Variants in MAP2K7 observed in about 807,000 individuals in gnomAD.
The protein encoded by MAP2K7 is mitogen-activated protein kinase kinase 7.
Under a neutral mutation model 47.7 loss-of-function variants are expected in MAP2K7, and 12 were observed. The observed-to-expected ratio is 0.25, with a 90% CI of 0.16 to 0.41. The LOEUF (loss-of-function observed/expected upper bound fraction) is 0.41, where lower values mean the gene tolerates loss of function less well. Among genes scored for constraint, MAP2K7 ranks in the 10% least tolerant of loss-of-function variants. The pLI is 1.00. For missense variants in MAP2K7, 415 were observed against 600.3 expected, an observed-to-expected ratio of 0.69 and a Z score of 3.23; for synonymous variants, 299 against 243.0, an observed-to-expected ratio of 1.23 and a Z score of -2.14.
intron 1 of MAP2K7, chr19:7,905,993 C>T: frequency 2.6e-6 from 2 of 783,372 alleles, no homozygotes; most frequent in East Asian, 2.5e-5. Context: ...CACTTTCTCT[C>T]TCACTCCACT....
chr19:7,911,533 G>C lies in MAP2K7; in HGVS notation c.1034G>C (p.Gly345Ala), dbSNP rs752181956. 6.2e-7 allele frequency: 1 copy of C among 1,610,692 alleles called. No homozygotes were observed. Among genetic ancestry groups the C allele is most frequent in the African/African-American group, 1.3e-5 (1 of 74,872 alleles). ...VLQEEPPLLP[G>A]HMGFSGDFQS... ...CAGGAAGAGCCCCCGCTTCTGCCCG[G>C]ACACATGGGCTTCTCGGGGGACTTC... Residue 345 changes from glycine (G) to alanine (A), a missense_variant, in exon 9 of 11, where the codon GGA becomes GCA. Gly to Ala is a moderately conservative substitution (Grantham distance 60, BLOSUM62 0). Around this residue, in one of 3 missense-constraint regions of MAP2K7, gnomAD observed 94 missense variants for 105.2 expected, o/e 0.89. Coordinates refer to ENST00000397979, the MANE Select transcript of MAP2K7 (RefSeq NM_145185.4).
In MAP2K7 at chr19:7,911,138, C is replaced by T. The variant is rs768877232; in HGVS notation, c.834C>T (p.Ala278=). The T allele has an allele frequency of 1.3e-4, 208 of 1,610,104 alleles. No individual in the cohort carries two copies. Among genetic ancestry groups the T allele is most frequent in the East Asian group, 7.8e-4 (35 of 44,794 alleles). The part of the protein sequence containing the change: ...LVDSKAKTRS[A]GCAAYMAPER... ...ACTCCAAAGCCAAGACGCGGAGCGC[C>T]GGCTGTGCCGCCTACATGGCAGTGA... The change falls in exon 7 of 11, where the codon GCC becomes GCT. Residue 278 remains alanine, a synonymous_variant. Transcript: ENST00000397979.
At position 7,911,237 on chromosome 19, in the gene MAP2K7, C is replaced by CCT. The variant is rs1555701255; in HGVS notation, c.856-12_856-11insTC. On this transcript the variant is annotated splice_polypyrimidine_tract_variant and intron_variant, in intron 7 of 10. Coordinates refer to ENST00000397979, the MANE Select transcript of MAP2K7 (RefSeq NM_145185.4). ...CAGCCTTGGAGATACGTCTTCTCCT[C>CCT]CCCCCCCTGCAGCCCGAGCGCATTG... 10 of 1,509,456 alleles carry CCT rather than the reference C, an allele frequency of 6.6e-6. No homozygotes were observed. The highest frequency in any genetic ancestry group is 3.4e-5 in the South Asian group (3 of 87,140). The allele number at this position is 1,509,456 out of a possible 1,614,324, so 93.5% of individuals were successfully genotyped here.
chr19:7,905,385 CTT>C (rs1175081708), intron 1 of MAP2K7, among the ~76,000 whole-genome samples: 1 of 152,182 alleles, frequency 6.6e-6, no homozygotes, highest in Non-Finnish European at 1.5e-5. Context: ...TGGGGAGTCT[CTT>C]GGGGGTCCAG....
chr19:7,908,477 T>G (rs1982603860), intron 1 of MAP2K7, among the ~76,000 whole-genome samples: 1 of 152,068 alleles, frequency 6.6e-6, no homozygotes, highest in African/African-American at 2.4e-5. Flanking sequence ...AGGGACGGGG[T>G]TTAGCTGCCA....
chr19:7,909,450 C>G (rs1025918953), intron 1 of MAP2K7, among the ~76,000 whole-genome samples: 2 of 152,214 alleles, frequency 1.3e-5, no homozygotes, highest in Non-Finnish European at 2.9e-5. Context: ...GCCCCCTGGC[C>G]GAGGGACACC....
At position 7,903,892 on chromosome 19, in the gene MAP2K7, T is replaced by C. The variant is rs1011452578; in HGVS notation, c.-53T>C. ...GCGCAGGCGCAGTGCGGTGTTTGTC[T>C]GCCGGACTGACGGGCGGCCGGGCGG... On this transcript the variant is annotated 5_prime_UTR_variant, in exon 1 of 11. Transcript: ENST00000397979. 4 of 1,396,346 alleles carry C rather than the reference T, an allele frequency of 2.9e-6. No individual in the cohort carries two copies. The African/African-American group carries it at 4.5e-5, about 16-fold the overall frequency. 86.5% of individuals were successfully genotyped at this position (1,396,346 alleles called of 1,614,324 possible). A position where few individuals can be genotyped will look rare whatever the true frequency, so the allele number is the denominator to read the frequency against.
In MAP2K7 at chr19:7,910,731, C is replaced by T. The variant is rs1462167964; in HGVS notation, c.603C>T (p.Thr201=). 2 of 1,611,656 alleles carry T rather than the reference C, an allele frequency of 1.2e-6. No individual in the cohort carries two copies. The highest frequency in any genetic ancestry group is 1.7e-5 in the Admixed American group (1 of 59,898). ...TCATCGCCATGGAGCTCATGGGCAC[C>T]TGCGCTGAGAAGCTCAAGAAGCGGA... The part of the protein sequence containing the change: ...DVFIAMELMG[T]CAEKLKKRMQ... Residue 201 remains threonine, a synonymous_variant, in exon 6 of 11, where the codon ACC becomes ACT. Transcript: ENST00000397979.
rs1234138196 is a variant in MAP2K7 at position 7,914,244 on chromosome 19, G to A, written c.*1813G>A. The A allele has an allele frequency of 6.6e-6, 1 of 152,504 alleles. No homozygotes were observed. Among genetic ancestry groups the A allele is most frequent in the East Asian group, 1.9e-4 (1 of 5,180 alleles). The allele number at this position is 152,504 out of a possible 1,614,324, so 9.4% of individuals were successfully genotyped here. Reference sequence around the variant, plus strand: ...CAGTGTTAAGTGGGGAGCCCTGGGGGAGTCTCTCCTGCCTCCCAGCCTCTC... The same window carrying A: ...CAGTGTTAAGTGGGGAGCCCTGGGGAAGTCTCTCCTGCCTCCCAGCCTCTC... On this transcript the variant is annotated 3_prime_UTR_variant, in exon 11 of 11. Transcript: ENST00000397979.
intron 3 of MAP2K7, 21 bp from the exon 4 acceptor site, chr19:7,910,239 C>T (rs1273373457): frequency 6.2e-6 from 10 of 1,610,954 alleles, no homozygotes; most frequent in African/African-American, 1.3e-5. Flanking sequence ...AGGGACCCTC[C>T]AACCCTCCCT....
At position 7,909,810 on chromosome 19, in the gene MAP2K7, C is replaced by T. The variant is rs1982698492; in HGVS notation, c.180C>T (p.Ser60=). 3 of 1,542,980 alleles carry T rather than the reference C, an allele frequency of 1.9e-6. No homozygotes were observed. The South Asian group carries it at 3.6e-5, about 18-fold the overall frequency. ...DGGSRSPSSE[S]SPQHPTPPAR... ...GCAGCCGCTCGCCATCCTCAGAGAG[C>T]TCCCCGCAGCACCCCACGCCCCCCG... Residue 60 remains serine, a synonymous_variant, in exon 2 of 11, where the codon AGC becomes AGT. Coordinates refer to ENST00000397979, the MANE Select transcript of MAP2K7 (RefSeq NM_145185.4).
chr19:7,911,425 C>G lies in MAP2K7; in HGVS notation c.937-11C>G, dbSNP rs752236818. On this transcript the variant is annotated splice_polypyrimidine_tract_variant and intron_variant, in intron 8 of 10. Coordinates refer to ENST00000397979, the MANE Select transcript of MAP2K7 (RefSeq NM_145185.4). ...CATAAACCTGTCCAGCCCTGCCCGTCTCCCTCCCAGGTGGAGCTGGCAACA... is the reference window on the plus strand; with the variant it reads ...CATAAACCTGTCCAGCCCTGCCCGTGTCCCTCCCAGGTGGAGCTGGCAACA... The G allele has an allele frequency of 5.6e-6, 9 of 1,613,174 alleles. No individual in the cohort carries two copies. The Admixed American group carries it at 1.5e-4, about 27-fold the overall frequency.
At chr19:7,911,711 G>A in intron 9 of MAP2K7, 133 bp downstream of exon 9, 1 of 970,890 alleles carries the variant, frequency 1.0e-6, no homozygotes, top group Non-Finnish European at 1.5e-6. Context: ...CTCCTGGCTG[G>A]CGGCTGCCAC....
rs1021778140 is a variant in MAP2K7, at chr19:7,912,452, C to G, written c.*21C>G. 1.2e-6 allele frequency: 2 copies of G among 1,600,994 alleles called. No homozygotes were observed. The highest frequency in any genetic ancestry group is 8.5e-7 in the Non-Finnish European group (1 of 1,176,968). ...GGTAGCTGCTTGGCGGCGGCCAGCC[C>G]CACAGGGGGCCAGGGGCATGGCCAC... On this transcript the variant is annotated 3_prime_UTR_variant, in exon 11 of 11. Coordinates refer to ENST00000397979, the MANE Select transcript of MAP2K7 (RefSeq NM_145185.4).
chr19:7,912,116 T>A, intron 9 of MAP2K7, 33 bp from the exon 10 acceptor site: 2 of 1,610,118 alleles, frequency 1.2e-6, no homozygotes, highest in Admixed American at 1.7e-5. Flanking sequence ...TCCTCCCTCG[T>A]TCTCACATCT....
intron 5 of MAP2K7, 50 bp from the exon 6 acceptor site, chr19:7,910,646 G>T (rs544896328): frequency 3.3e-5 from 53 of 1,607,862 alleles, no homozygotes; most frequent in Admixed American, 5.0e-5. Flanking sequence ...CAGAGCCTCT[G>T]GGGGGTGGGC....
At chr19:7,911,742 A>C (rs480296) in intron 9 of MAP2K7, among the ~76,000 whole-genome samples, 164 bp downstream of exon 9, 5 of 152,162 alleles carry the variant, frequency 3.3e-5, no homozygotes, top group Admixed American at 1.3e-4. Context: ...GCTGGTGCCC[A>C]GGGAGCCATG....
chr19:7,911,609 G>C lies in MAP2K7; in HGVS notation c.1079+31G>C, dbSNP rs1001995837. ...AACCTCCCTCCACTTGGGAGGTCAGGGACAGCCCGCTGCTCTGGGCAGCTG... is the reference window on the plus strand; with the variant it reads ...AACCTCCCTCCACTTGGGAGGTCAGCGACAGCCCGCTGCTCTGGGCAGCTG... On this transcript the variant is annotated intron_variant, in intron 9 of 10. Coordinates refer to ENST00000397979, the MANE Select transcript of MAP2K7 (RefSeq NM_145185.4). 1.9e-6 allele frequency: 3 copies of C among 1,554,842 alleles called. No individual in the cohort carries two copies. In the South Asian group the frequency reaches 3.4e-5, roughly 18 times the overall value.
chr19:7,910,124 G>T lies in MAP2K7; in HGVS notation c.328G>T (p.Gly110Cys). 2 of 1,606,310 alleles carry T rather than the reference G, an allele frequency of 1.2e-6. No individual in the cohort carries two copies. The highest frequency in any genetic ancestry group is 1.7e-6 in the Non-Finnish European group (2 of 1,177,134). ...MKQTGYLTIG[G>C]QRYQAEINDL... Reference sequence around the variant, plus strand: ...GCAGACGGGCTACCTGACCATCGGGGGCCAGGTACCACCTTCACTGTGGCG... The same window carrying T: ...GCAGACGGGCTACCTGACCATCGGGTGCCAGGTACCACCTTCACTGTGGCG... Residue 110 changes from glycine (G) to cysteine (C), a missense_variant, in exon 3 of 11, where the codon GGC becomes TGC. By Grantham distance (159) the Gly-to-Cys change is radical. Around this residue, in one of 3 missense-constraint regions of MAP2K7, gnomAD observed 206 missense variants for 368.8 expected, o/e 0.56. Coordinates refer to ENST00000397979, the MANE Select transcript of MAP2K7 (RefSeq NM_145185.4).
Sources: allele counts gnomAD v4.1 joint callset (sites outside exome capture counted in the v4.1 genomes callset), GRCh38; gene constraint gnomAD v4.1.1; regional missense constraint gnomAD v4.1.1; transcripts MANE v1.5; gene names NCBI Gene and HGNC (gene_info 2026-07-23, HGNC 2026-07-21).